The following EIPR1 variants were observed in gnomAD, a reference collection of about 807,000 sequenced individuals.
EIPR1 encodes the protein EARP and GARP complex-interacting protein 1.
A neutral mutation model predicts 48.1 loss-of-function variants in EIPR1; 25 were observed. The ratio of observed to expected loss-of-function variants is 0.52; its 90% CI spans 0.38 to 0.73. The LOEUF is 0.73. Ranked by LOEUF, EIPR1 falls within the 30% of genes least tolerant of loss-of-function variation. The pLI is 0.00. For synonymous variants in EIPR1, 204 were observed against 201.9 expected, an observed-to-expected ratio of 1.01 and a Z score of -0.09; for missense variants, 415 against 506.2, an observed-to-expected ratio of 0.82 and a Z score of 1.73.
intron 5 of EIPR1, chr2:3,208,267 A>G (rs937771214): frequency 3.9e-5 from 18 of 466,862 alleles, no homozygotes; most frequent in African/African-American, 9.7e-5. Context: ...TACTCAAATA[A>G]GAGCAAGTTA....
intron 4 of EIPR1, among the ~76,000 whole-genome samples, chr2:3,218,941 G>T (rs1665755655): frequency 6.6e-6 from 1 of 150,546 alleles, no homozygotes; most frequent in Admixed American, 6.6e-5. Context: ...CATTCACAGT[G>T]AGTCAGGTGC....
chr2:3,224,622 T>C (rs1380322023), intron 4 of EIPR1, among the ~76,000 whole-genome samples: 2 of 152,190 alleles, frequency 1.3e-5, no homozygotes, highest in African/African-American at 2.4e-5. Context: ...TCTGCCACTC[T>C]AGCAGAGGCT....
chr2:3,328,925 G>C (rs1369077335), intron 3 of EIPR1, among the ~76,000 whole-genome samples: 3 of 114,698 alleles, frequency 2.6e-5, no homozygotes, highest in South Asian at 3.0e-4. Flanking sequence ...CTGAATCAGA[G>C]CCCACCTACC....
intron 4 of EIPR1, among the ~76,000 whole-genome samples, chr2:3,218,288 G>A (rs1224759955): frequency 6.8e-6 from 1 of 147,854 alleles, no homozygotes; most frequent in African/African-American, 2.5e-5. Context: ...ACCCAACACG[G>A]CCCTGATACA....
chr2:3,229,614 A>T (rs1319750045), intron 4 of EIPR1, among the ~76,000 whole-genome samples: 2 of 152,238 alleles, frequency 1.3e-5, no homozygotes, highest in African/African-American at 4.8e-5. Flanking sequence ...TTCAATTTTC[A>T]GTTCAACGTG....
At chr2:3,265,403 ACT>A (rs1322254046) in intron 3 of EIPR1, among the ~76,000 whole-genome samples, 1 of 152,170 alleles carries the variant, frequency 6.6e-6, no homozygotes, top group South Asian at 2.1e-4. Context: ...CAGCTCTGAA[ACT>A]CTGAGGATTT....
At chr2:3,192,964 G>A (rs1664662637) in intron 7 of EIPR1, among the ~76,000 whole-genome samples, 1 of 152,242 alleles carries the variant, frequency 6.6e-6, no homozygotes, top group Non-Finnish European at 1.5e-5. Context: ...CCAGTTGGCA[G>A]TGACTGTGGG....
intron 4 of EIPR1, among the ~76,000 whole-genome samples, chr2:3,242,703 G>A (rs897184210): frequency 6.6e-6 from 1 of 152,220 alleles, no homozygotes; most frequent in Non-Finnish European, 1.5e-5. Context: ...CCTTAAGAAA[G>A]ATATGTATCT....
chr2:3,222,304 T>C (rs773445380), intron 4 of EIPR1, among the ~76,000 whole-genome samples: 6 of 152,314 alleles, frequency 3.9e-5, no homozygotes, highest in African/African-American at 1.2e-4. Context: ...TTCCACTCAT[T>C]TTCTCTGCAT....
chr2:3,255,885 C>T (rs759498505), intron 4 of EIPR1, among the ~76,000 whole-genome samples: 24 of 152,294 alleles, frequency 1.6e-4, no homozygotes, highest in Middle Eastern at 3.4e-3. Flanking sequence ...CACACACATG[C>T]GCACAAATGT....
chr2:3,362,173 T>C (rs1314954111), intron 1 of EIPR1, among the ~76,000 whole-genome samples: 1 of 151,946 alleles, frequency 6.6e-6, no homozygotes, highest in African/African-American at 2.4e-5. Flanking sequence ...CACCAGCCCC[T>C]TTCATCACAC....
intron 4 of EIPR1, among the ~76,000 whole-genome samples, chr2:3,248,426 T>A (rs890428036): frequency 6.6e-6 from 1 of 152,198 alleles, no homozygotes; most frequent in Admixed American, 6.5e-5. Flanking sequence ...AAACGCTGTC[T>A]CTACTAAAAG....
intron 3 of EIPR1, among the ~76,000 whole-genome samples, chr2:3,332,795 C>T (rs191704979): frequency 6.6e-6 from 1 of 152,292 alleles, no homozygotes; most frequent in African/African-American, 2.4e-5. Context: ...CCCCTTCCAC[C>T]AACTCCAAGA....
chr2:3,286,922 G>A lies in EIPR1; in HGVS notation c.260-29467C>T, dbSNP rs866044504. Among the ~76,000 whole-genome samples the A allele has an allele frequency of 1.2e-4, 18 of 148,726 alleles. No homozygotes were observed. Among genetic ancestry groups the A allele is most frequent in the Admixed American group, 5.3e-4 (8 of 15,008 alleles). On this transcript the variant is annotated intron_variant, in intron 3 of 8. Coordinates refer to ENST00000382125, the MANE Select transcript of EIPR1 (RefSeq NM_003310.5). This position sits in a 1 kb window ranked among gnomAD's most constrained non-coding sequence, Gnocchi z 4.2. Reference sequence around the variant, plus strand: ...GTGGGGAGCACACAGAGTGCCAGCCGGCAGAGGGGGCGGTGGGGAGCACAC... The same window carrying A: ...GTGGGGAGCACACAGAGTGCCAGCCAGCAGAGGGGGCGGTGGGGAGCACAC...
intron 3 of EIPR1, among the ~76,000 whole-genome samples, chr2:3,301,650 G>A (rs1372805355): frequency 3.3e-5 from 5 of 152,190 alleles, no homozygotes; most frequent in Non-Finnish European, 5.9e-5. Context: ...AGTGTTTCTG[G>A]TCTTATAATA....
rs1339581697 is a variant in EIPR1 at position 3,196,887 on chromosome 2, C to A, written c.647G>T (p.Ser216Ile). 6.2e-7 allele frequency: 1 copy of A among 1,613,332 alleles called. No homozygotes were observed. Among genetic ancestry groups the A allele is most frequent in the Admixed American group, 1.7e-5 (1 of 59,980 alleles). ...DTTLRGWDTR[S>I]MSQIYCIENA... is the part of the protein sequence containing the mutation. ...GCCGGGTGGGCTCACTGACCTCATGCTCCGGGTGTCCCAGCCACGGAGGGT... is the reference window on the plus strand; with the variant it reads ...GCCGGGTGGGCTCACTGACCTCATGATCCGGGTGTCCCAGCCACGGAGGGT... Residue 216 changes from serine (S) to isoleucine (I), a missense_variant, in exon 6 of 9, where the codon AGC becomes ATC. Coordinates refer to ENST00000382125, the MANE Select transcript of EIPR1 (RefSeq NM_003310.5).
At chr2:3,193,162 C>A (rs1664669510) in intron 7 of EIPR1, among the ~76,000 whole-genome samples, 1 of 152,224 alleles carries the variant, frequency 6.6e-6, no homozygotes, top group Admixed American at 6.5e-5. Flanking sequence ...CTAGGAGGTG[C>A]ACCCAGCATG....
intron 2 of EIPR1, among the ~76,000 whole-genome samples, chr2:3,351,112 T>C (rs1670563749): frequency 6.6e-6 from 1 of 151,990 alleles, no homozygotes; most frequent in Admixed American, 6.6e-5. Flanking sequence ...GTGATTCTCA[T>C]GCCTCAGCCT....
Position 3,189,381 on chromosome 2 carries a change from C to A in EIPR1, c.1117G>T (p.Val373Leu). The change falls in exon 9 of 9, where the codon GTG becomes TTG. Residue 373 changes from valine to leucine, a missense_variant. By Grantham distance (32) the Val-to-Leu change is conservative. Transcript: ENST00000382125. The surrounding 1 kb of genome is among the most constrained non-coding windows in gnomAD (Gnocchi z 4.6). ...FASLSYDGRLVINRVPRALKY... is the reference protein window; with the variant it reads ...FASLSYDGRLLINRVPRALKY... ...AGGGCCCTGGGCACCCTGTTGATCA[C>A]GAGCCTCCCGTCATAGCTCAGGGAG... 1.2e-6 allele frequency: 2 copies of A among 1,602,302 alleles called. No individual in the cohort carries two copies. The highest frequency in any genetic ancestry group is 2.2e-5 in the South Asian group (2 of 89,730).
Sources: gnomAD v4.1 joint callset for allele counts (sites outside exome capture counted in the v4.1 genomes callset) on GRCh38, gnomAD v4.1.1 for gene constraint, Gnocchi (gnomAD v3.1) non-coding constraint, MANE v1.5 for transcripts, NCBI Gene and HGNC (gene_info 2026-07-23, HGNC 2026-07-21) for gene names.